PSIP1: variants seen among roughly 807,000 people sequenced by gnomAD.
PSIP1 encodes PC4 and SFRS1-interacting protein.
PSIP1 carries 19 observed loss-of-function variants against 74.7 expected under a neutral mutation model. That is an observed-to-expected ratio of 0.25 (90% CI 0.18 to 0.37). PSIP1 has a LOEUF of 0.37. Among genes scored for constraint, PSIP1 ranks in the 10% least tolerant of loss-of-function variants. PSIP1 has a pLI of 1.00. For missense variants in PSIP1, 601 were observed against 614.3 expected (o/e 0.98, Z 0.23); for synonymous variants, 222 against 195.3 (o/e 1.14, Z -1.14).
chr9:15,465,977 A>G (rs1361567978), intron 15 of PSIP1: 2 of 161,716 alleles, frequency 1.2e-5, no homozygotes, highest in African/African-American at 2.4e-5. Flanking sequence ...ATTTCCCTCA[A>G]TTTCAGAATT....
intron 8 of PSIP1, 96 bp downstream of exon 8, chr9:15,478,381 C>A (rs2036188163): frequency 4.1e-6 from 4 of 969,522 alleles, no homozygotes; most frequent in Admixed American, 4.5e-5. Context: ...TAACAAACAT[C>A]CTGTAAGAGA....
chr9:15,466,421 CTT>C (rs1001782359), intron 15 of PSIP1, among the ~76,000 whole-genome samples: 4 of 152,182 alleles, frequency 2.6e-5, no homozygotes, highest in Non-Finnish European at 5.9e-5. Flanking sequence ...CTCCATCTAA[CTT>C]TTTACAATTA....
chr9:15,504,962 T>A (rs1446432926), intron 3 of PSIP1: 2 of 148,544 alleles, frequency 1.3e-5, no homozygotes, highest in African/African-American at 5.0e-5. Flanking sequence ...TAAGAACTTT[T>A]TTTTTTTTTT....
chr9:15,496,961 A>G (rs757896421), intron 3 of PSIP1, among the ~76,000 whole-genome samples: 10 of 152,186 alleles, frequency 6.6e-5, no homozygotes, highest in East Asian at 1.9e-4. Context: ...GAACCCTCCT[A>G]CAATTGCTGG....
At chr9:15,491,335 T>C (rs1029955014) in intron 3 of PSIP1, among the ~76,000 whole-genome samples, 1 of 152,158 alleles carries the variant, frequency 6.6e-6, no homozygotes, top group African/African-American at 2.4e-5. Context: ...TTGCTTACAG[T>C]ATGAGTGCTG....
At chr9:15,476,554 T>A (rs911519754) in intron 8 of PSIP1, among the ~76,000 whole-genome samples, 2 of 152,144 alleles carry the variant, frequency 1.3e-5, no homozygotes, top group African/African-American at 4.8e-5. Context: ...ATAGCCTGGG[T>A]CAAAGACCCA....
chr9:15,479,953 T>G (rs755669344), intron 6 of PSIP1, among the ~76,000 whole-genome samples: 1 of 152,220 alleles, frequency 6.6e-6, no homozygotes, highest in Non-Finnish European at 1.5e-5. Flanking sequence ...CTTGATGCGA[T>G]ATGGAGAACA....
At chr9:15,492,729 A>G (rs1447008595) in intron 3 of PSIP1, among the ~76,000 whole-genome samples, 2 of 151,550 alleles carry the variant, frequency 1.3e-5, no homozygotes, top group Admixed American at 6.6e-5. Context: ...AGGCATTTCC[A>G]CATGTCTTCT....
intron 3 of PSIP1, among the ~76,000 whole-genome samples, chr9:15,495,454 C>T (rs58472071): frequency 0.025 from 3,729 of 151,980 alleles, 146 homozygotes; most frequent in African/African-American, 0.085. Context: ...CTATTACTGA[C>T]GGTTATGTAA....
chr9:15,468,416 CCTT>C (rs34331255), intron 14 of PSIP1: 564,416 of 752,640 alleles, frequency 0.75, 217,777 homozygotes, highest in Admixed American at 0.84. Flanking sequence ...ATGGTTTCTG[CCTT>C]AGAAGTCGAA....
chr9:15,474,257 A>G lies in PSIP1; in HGVS notation c.630-20T>C. On this transcript the variant is annotated intron_variant, in intron 8 of 15. Coordinates refer to ENST00000380733, the MANE Select transcript of PSIP1 (RefSeq NM_033222.5). ...GTAATGCTATTTTAGAGAACATAAC[A>G]ATGTATACTTGTCATTCAACTATAA... is the stretch of plus-strand genomic sequence containing the variant. 1 of 1,561,750 alleles carries G rather than the reference A, an allele frequency of 6.4e-7. No homozygotes were observed. Among genetic ancestry groups the G allele is most frequent in the South Asian group, 1.2e-5 (1 of 84,860 alleles).
At chr9:15,503,398 T>G (rs2037435841) in intron 3 of PSIP1, among the ~76,000 whole-genome samples, 1 of 151,958 alleles carries the variant, frequency 6.6e-6, no homozygotes, top group Non-Finnish European at 1.5e-5. Context: ...TAAAGTAGCC[T>G]GTAATCTCAG....
intron 6 of PSIP1, 133 bp downstream of exon 6, chr9:15,485,873 C>T: frequency 1.4e-6 from 1 of 734,308 alleles, no homozygotes; most frequent in South Asian, 2.3e-5. Context: ...CCAAGTAAAA[C>T]ATAACCCATA....
intron 10 of PSIP1, chr9:15,471,467 A>G: frequency 1.0e-6 from 1 of 960,648 alleles, no homozygotes; most frequent in South Asian, 4.8e-5. Flanking sequence ...TATACTAGTA[A>G]CAACTAATTT....
chr9:15,501,002 TTAAA>T (rs1265369118), intron 3 of PSIP1, among the ~76,000 whole-genome samples: 1 of 152,168 alleles, frequency 6.6e-6, no homozygotes, highest in Non-Finnish European at 1.5e-5. Flanking sequence ...GCTGAACATT[TTAAA>T]TAAATAATAG....
chr9:15,472,607 A>G (rs770835192), intron 10 of PSIP1, 25 bp downstream of exon 10: 22 of 1,564,972 alleles, frequency 1.4e-5, no homozygotes, highest in Admixed American at 4.4e-5. Flanking sequence ...AAGAACCCAA[A>G]ATTTAGAAAA....
rs369217340 is a variant in PSIP1, at chr9:15,469,349, A to T, written c.1034-13T>A. ...TCCATTGATGTTTCTACAAATTAAA[A>T]TATGTGAAAAACAGTGAACAGTTTT... On this transcript the variant is annotated splice_polypyrimidine_tract_variant and intron_variant, in intron 11 of 15. Transcript: ENST00000380733. The T allele has an allele frequency of 1.1e-5, 16 of 1,522,542 alleles. No individual in the cohort carries two copies. The highest frequency in any genetic ancestry group is 2.0e-5 in the Admixed American group (1 of 50,078). 94.3% of individuals were successfully genotyped at this position (1,522,542 alleles called of 1,614,324 possible).
At chr9:15,465,936 AAG>A (rs759291772) in intron 15 of PSIP1, 8 of 191,656 alleles carry the variant, frequency 4.2e-5, no homozygotes, top group Non-Finnish European at 6.4e-5. Context: ...TCTTAATAAA[AAG>A]AGAGGTTGAT....
chr9:15,490,211 A>G (rs2036760237), intron 3 of PSIP1, 87 bp from the exon 4 acceptor site: 3 of 1,225,934 alleles, frequency 2.4e-6, no homozygotes, highest in Non-Finnish European at 3.2e-6. Context: ...ACAATTATCA[A>G]AAATACAGAA....
Sources: gnomAD v4.1 joint callset for allele counts (sites outside exome capture counted in the v4.1 genomes callset) on GRCh38, gnomAD v4.1.1 for gene constraint, MANE v1.5 for transcripts, NCBI Gene and HGNC (gene_info 2026-07-23, HGNC 2026-07-21) for gene names.